The following IRF2 variants were observed in gnomAD, a reference collection of about 807,000 sequenced individuals.
IRF2 encodes interferon regulatory factor 2.
In IRF2, 15 loss-of-function variants were observed where a neutral mutation model predicts 40.6. That is an observed-to-expected ratio of 0.37 (90% confidence interval 0.25 to 0.57). The LOEUF is 0.57. IRF2 is among the 20% of genes least tolerant of loss of function. IRF2 has a pLI of 0.77. For synonymous variants in IRF2, 151 were observed against 165.5 expected (o/e 0.91, Z 0.67); for missense variants, 317 against 455.7 (o/e 0.70, Z 2.77).
At chr4:184,470,664 T>A (rs1263929384) in intron 1 of IRF2, among the ~76,000 whole-genome samples, 1 of 137,678 alleles carries the variant, frequency 7.3e-6, no homozygotes, top group Admixed American at 8.1e-5. Context: ...TACACCAGTC[T>A]GGGCAACAGA....
chr4:184,434,065 T>G (rs1331240035), intron 1 of IRF2, among the ~76,000 whole-genome samples: 1 of 152,230 alleles, frequency 6.6e-6, no homozygotes, highest in Non-Finnish European at 1.5e-5. Context: ...TTACTCGGTA[T>G]GTATCGTCTA....
At position 184,426,057 on chromosome 4, in the gene IRF2, A is replaced by G. The variant is rs886778050; in HGVS notation, c.87+2921T>C. ...TGCTCTGTCACCCAGGCTGGAGTGC[A>G]GTGGTGCAATCTCAGCTCACGCAAC... On this transcript the variant is annotated intron_variant, in intron 2 of 8. Coordinates refer to ENST00000393593, the MANE Select transcript of IRF2 (RefSeq NM_002199.4). 1.1e-4 allele frequency among the ~76,000 whole-genome samples: 17 copies of G among 151,988 alleles called. 1 individual carries two copies. Among genetic ancestry groups the G allele is most frequent in the African/African-American group, 4.1e-4 (17 of 41,382 alleles).
intron 2 of IRF2, among the ~76,000 whole-genome samples, chr4:184,424,106 A>T (rs1737582802): frequency 6.6e-6 from 1 of 152,204 alleles, no homozygotes; most frequent in Admixed American, 6.5e-5. Flanking sequence ...AAATATTCAT[A>T]CATCTAGATA....
At chr4:184,423,716 A>G (rs919466785) in intron 2 of IRF2, among the ~76,000 whole-genome samples, 1 of 152,190 alleles carries the variant, frequency 6.6e-6, no homozygotes, top group African/African-American at 2.4e-5. Context: ...GAAATGGCCC[A>G]GGGAACCACA....
chr4:184,395,411 T>TAAAAA, intron 7 of IRF2, among the ~76,000 whole-genome samples: 1 of 1,486 alleles, frequency 6.7e-4, no homozygotes, highest in East Asian at 0.024. Context: ...AGACTCCGTC[T>TAAAAA]CAAAAAAAAA....
At chr4:184,454,784 T>C (rs6811914) in intron 1 of IRF2, among the ~76,000 whole-genome samples, 49,958 of 152,026 alleles carry the variant, frequency 0.33, 8,522 homozygotes, top group South Asian at 0.4. Context: ...AAGCCATAGT[T>C]TCCTCATCAC....
chr4:184,465,626 CA>C (rs1739291139), intron 1 of IRF2, among the ~76,000 whole-genome samples: 1 of 152,058 alleles, frequency 6.6e-6, no homozygotes, highest in African/African-American at 2.4e-5. Flanking sequence ...TTTCCCCACC[CA>C]ATCAGCATAG....
Position 184,419,485 on chromosome 4 carries a change from G to A in IRF2, c.171C>T (p.Asn57=), listed in dbSNP as rs1199674956. ...TTTTAGTACCTGTATGGATTGCCCA[G>A]TTTCTAAAGAGTGGTGCATCTTTTT... ...DVEKDAPLFR[N]WAIHTGKHQP... The change falls in exon 3 of 9, where the codon AAC becomes AAT. Residue 57 remains asparagine, a synonymous_variant. Coordinates refer to ENST00000393593, the MANE Select transcript of IRF2 (RefSeq NM_002199.4). 1.9e-6 allele frequency: 3 copies of A among 1,589,054 alleles called. No individual in the cohort carries two copies. Among genetic ancestry groups the A allele is most frequent in the Non-Finnish European group, 2.6e-6 (3 of 1,165,496 alleles).
intron 7 of IRF2, among the ~76,000 whole-genome samples, chr4:184,393,566 G>T (rs548244992): frequency 6.6e-6 from 1 of 152,232 alleles, no homozygotes; most frequent in Admixed American, 6.5e-5. Context: ...GAATGTGACC[G>T]GGATGCTAAC....
At chr4:184,449,559 C>T (rs758009443) in intron 1 of IRF2, among the ~76,000 whole-genome samples, 5 of 152,158 alleles carry the variant, frequency 3.3e-5, no homozygotes, top group Admixed American at 6.5e-5. Context: ...TACGCAATGA[C>T]GGAAGGAGCT....
rs565241946 is a variant in IRF2 at position 184,450,005 on chromosome 4, A to G, written c.-6-20935T>C. 1.7e-3 allele frequency among the ~76,000 whole-genome samples: 266 copies of G among 152,342 alleles called. 1 individual carries two copies. The highest frequency in any genetic ancestry group is 2.9e-3 in the South Asian group (14 of 4,828). On this transcript the variant is annotated intron_variant, in intron 1 of 8. Transcript: ENST00000393593. Reference sequence around the variant, plus strand: ...GGGCTAGGTATACTGACGCAGGCTCACCGTCTTCTATTCAAAATCTTGGGG... The same window carrying G: ...GGGCTAGGTATACTGACGCAGGCTCGCCGTCTTCTATTCAAAATCTTGGGG...
intron 1 of IRF2, among the ~76,000 whole-genome samples, chr4:184,450,946 A>G (rs1249779528): frequency 6.6e-6 from 1 of 152,142 alleles, no homozygotes; most frequent in Non-Finnish European, 1.5e-5. Context: ...CTCCTCCTCC[A>G]CGGAAGCCCT....
intron 1 of IRF2, among the ~76,000 whole-genome samples, chr4:184,470,483 C>G (rs922116107): frequency 6.6e-5 from 10 of 152,094 alleles, no homozygotes; most frequent in African/African-American, 2.4e-4. Context: ...GAGTTCGAGA[C>G]AAGCCTGGCC....
In IRF2 at chr4:184,445,058, C is replaced by T. The variant is rs1032490888; in HGVS notation, c.-6-15988G>A. 6.6e-5 allele frequency among the ~76,000 whole-genome samples: 10 copies of T among 152,234 alleles called. No homozygotes were observed. The South Asian group carries it at 1.4e-3, about 22-fold the overall frequency. ...CCCCAGCTGAGTCCACGTGCTGACA[C>T]GCTGCTCTCTTCCCCCACAGCACCA... On this transcript the variant is annotated intron_variant, in intron 1 of 8. Transcript: ENST00000393593.
intron 7 of IRF2, among the ~76,000 whole-genome samples, chr4:184,393,513 G>A (rs1736333332): frequency 6.6e-6 from 1 of 152,228 alleles, no homozygotes; most frequent in African/African-American, 2.4e-5. Flanking sequence ...CTGGAAGTCA[G>A]ATCCTGGGGT....
intron 1 of IRF2, among the ~76,000 whole-genome samples, chr4:184,461,685 C>CT (rs60947678): frequency 0.61 from 81,804 of 134,012 alleles, 23,734 homozygotes; most frequent in African/African-American, 0.72. Flanking sequence ...CCTCTACCCG[C>CT]CCCCCCACCG....
At chr4:184,432,711 G>C (rs12500441) in intron 1 of IRF2, among the ~76,000 whole-genome samples, 64,682 of 152,070 alleles carry the variant, frequency 0.43, 14,520 homozygotes, top group East Asian at 0.57. Flanking sequence ...CACAGACACA[G>C]AGAAGAATGC....
chr4:184,407,321 TC>T (rs1338148697), intron 6 of IRF2: 1 of 1,153,052 alleles, frequency 8.7e-7, no homozygotes. Context: ...TTTTTTCTTC[TC>T]CTTCCCCTTA....
At chr4:184,430,401 C>G (rs572264100) in intron 1 of IRF2, among the ~76,000 whole-genome samples, 3 of 150,558 alleles carry the variant, frequency 2.0e-5, no homozygotes, top group Admixed American at 2.0e-4. Flanking sequence ...GTGCTCATCC[C>G]GTGCCCTCTG....
Sources: gnomAD v4.1 joint callset for allele counts (sites outside exome capture counted in the v4.1 genomes callset) on GRCh38, gnomAD v4.1.1 for gene constraint, MANE v1.5 for transcripts, NCBI Gene and HGNC (gene_info 2026-07-23, HGNC 2026-07-21) for gene names.